FUBP3: variants seen among roughly 807,000 people sequenced by gnomAD.
The protein encoded by FUBP3 is far upstream element-binding protein 3.
In FUBP3, 28 loss-of-function variants were observed where a neutral mutation model predicts 85.6. That is an observed-to-expected ratio of 0.33 (90% CI 0.24 to 0.45). The LOEUF is 0.45. FUBP3 is among the 20% of genes least tolerant of loss of function. FUBP3 has a pLI of 1.00. For synonymous variants in FUBP3, 271 were observed against 271.4 expected, an observed-to-expected ratio of 1.00 and a Z score of 0.01; for missense variants, 583 against 755.1, an observed-to-expected ratio of 0.77 and a Z score of 2.67.
At chr9:130,586,834 T>C (rs1482061946) in intron 1 of FUBP3, among the ~76,000 whole-genome samples, 1 of 144,728 alleles carries the variant, frequency 6.9e-6, no homozygotes, top group Non-Finnish European at 1.5e-5. Flanking sequence ...CACTGCAAGC[T>C]CAGCCTCCCA....
chr9:130,591,967 T>TA (rs1223407018), intron 1 of FUBP3, among the ~76,000 whole-genome samples: 7 of 152,170 alleles, frequency 4.6e-5, no homozygotes, highest in Non-Finnish European at 7.4e-5. Flanking sequence ...CGCAGTGGCT[T>TA]ACGCCTGTAA....
In FUBP3 at chr9:130,623,693, G is replaced by A. The variant is rs1361750701; in HGVS notation, c.957G>A (p.Glu319=). ...AGCATGCAGCGCATATCATCAGCGA[G>A]CTGATTCTTACAGCCCAGGTGGGTC... ...RCQHAAHIIS[E]LILTAQERDG... Residue 319 remains glutamate (E), a synonymous_variant, in exon 11 of 19, where the codon GAG becomes GAA. Coordinates refer to ENST00000319725, the MANE Select transcript of FUBP3 (RefSeq NM_003934.2). 6.8e-6 allele frequency: 11 copies of A among 1,613,158 alleles called. No homozygotes were observed. The highest frequency in any genetic ancestry group is 8.5e-6 in the Non-Finnish European group (10 of 1,179,298).
chr9:130,611,708 A>G (rs1433468848), intron 3 of FUBP3, among the ~76,000 whole-genome samples: 1 of 150,364 alleles, frequency 6.7e-6, no homozygotes, highest in Admixed American at 6.6e-5. Context: ...TTGAGATTTA[A>G]TTGCTTTCTG....
At chr9:130,594,697 T>A (rs1291380263) in intron 1 of FUBP3, among the ~76,000 whole-genome samples, 1 of 151,984 alleles carries the variant, frequency 6.6e-6, no homozygotes, top group Non-Finnish European at 1.5e-5. Flanking sequence ...AAATTGAGGG[T>A]ACAGTGAACA....
intron 8 of FUBP3, among the ~76,000 whole-genome samples, chr9:130,618,354 G>A (rs138766878): frequency 2.6e-5 from 4 of 152,302 alleles, no homozygotes; most frequent in East Asian, 3.9e-4. Flanking sequence ...TTACTTGCTC[G>A]TTCTCTTCTG....
Position 130,595,531 on chromosome 9 carries a change from C to T in FUBP3, c.133C>T (p.Leu45=). Residue 45 remains leucine (L), a synonymous_variant, in exon 2 of 19, where the codon CTA becomes TTA. Transcript: ENST00000319725. ...SIPHLNNSTP[L]VDPSVYGYGV... is the part of the protein sequence containing the mutation. ...TCCTCACTTGAATAATTCCACACCT[C>T]TAGTGGACCCCTCAGTATATGGATA... is the stretch of plus-strand genomic sequence containing the variant. 6.3e-7 allele frequency: 1 copy of T among 1,594,624 alleles called. No homozygotes were observed. Among genetic ancestry groups the T allele is most frequent in the Non-Finnish European group, 8.6e-7 (1 of 1,162,192 alleles).
chr9:130,625,731 C>G (rs1829943986), intron 11 of FUBP3, among the ~76,000 whole-genome samples: 1 of 152,182 alleles, frequency 6.6e-6, no homozygotes, highest in African/African-American at 2.4e-5. Flanking sequence ...TCTCCAGCCC[C>G]ACATGGGGAG....
rs190664669 is a variant in FUBP3, at chr9:130,613,686, G to A, written c.347-602G>A. On this transcript the variant is annotated intron_variant, in intron 5 of 18. Transcript: ENST00000319725. ...TACTTATTACAGTGTCTTGAAGGCAGTAAGTCCTGTTAGCTATTTCTCTTT... is the reference window on the plus strand; with the variant it reads ...TACTTATTACAGTGTCTTGAAGGCAATAAGTCCTGTTAGCTATTTCTCTTT... 3.5e-3 allele frequency among the ~76,000 whole-genome samples: 530 copies of A among 152,342 alleles called. 3 individuals are homozygous for A. The highest frequency in any genetic ancestry group is 0.012 in the African/African-American group (488 of 41,586).
At chr9:130,631,710 C>A in intron 14 of FUBP3, 80 bp downstream of exon 14, 1 of 1,181,308 alleles carries the variant, frequency 8.5e-7, no homozygotes, top group Non-Finnish European at 1.2e-6. Flanking sequence ...CTACTTCTAG[C>A]GAGTGCCAGC....
At chr9:130,622,842 T>TAAAA in intron 10 of FUBP3, 32 bp downstream of exon 10, 1 of 826,526 alleles carries the variant, frequency 1.2e-6, no homozygotes, top group African/African-American at 1.9e-5. Context: ...TCCTTAGTGT[T>TAAAA]AAAAAAAAAA....
intron 10 of FUBP3, among the ~76,000 whole-genome samples, 189 bp from the exon 11 acceptor site, chr9:130,623,422 T>C (rs560890353): frequency 6.6e-6 from 1 of 152,318 alleles, no homozygotes; most frequent in East Asian, 1.9e-4. Flanking sequence ...ACCTGAAACA[T>C]GCAAAACAAT....
At chr9:130,593,203 C>G (rs530348079) in intron 1 of FUBP3, among the ~76,000 whole-genome samples, 135 of 152,344 alleles carry the variant, frequency 8.9e-4, no homozygotes, top group African/African-American at 3.1e-3. Flanking sequence ...TAAGCACGCT[C>G]TGTGTGACAT....
In FUBP3 at chr9:130,612,463, A is replaced by G. The variant is rs936734240; in HGVS notation, c.232A>G (p.Ile78Val). 4 of 1,595,304 alleles carry G rather than the reference A, an allele frequency of 2.5e-6. No homozygotes were observed. The highest frequency in any genetic ancestry group is 2.2e-5 in the East Asian group (1 of 44,768). ...LGALVHQRTV[I>V]TEEFKVPDKM... ...AATGTTCTTTGTTTTTAGGACGGTA[A>G]TAACGGAAGAATTCAAAGTGCCTGA... Residue 78 changes from isoleucine (I) to valine (V), a missense_variant, in exon 4 of 19, where the codon ATA (isoleucine) becomes GTA (valine). Physicochemically the swap from Ile to Val is conservative, Grantham distance 29 (BLOSUM62 3). Around this residue, in one of 3 missense-constraint regions of FUBP3, gnomAD observed 177 missense variants for 221.9 expected, o/e 0.80. Coordinates refer to ENST00000319725, the MANE Select transcript of FUBP3 (RefSeq NM_003934.2). This position sits in a 1 kb window ranked among gnomAD's most constrained non-coding sequence, Gnocchi z 4.1.
At chr9:130,609,891 G>A in intron 2 of FUBP3, 63 bp from the exon 3 acceptor site, 3 of 1,245,250 alleles carry the variant, frequency 2.4e-6, no homozygotes, top group Non-Finnish European at 3.5e-6. Flanking sequence ...AGAATGGTAA[G>A]GATGAAGTTA....
intron 1 of FUBP3, among the ~76,000 whole-genome samples, chr9:130,590,017 T>C (rs891454907): frequency 7.5e-6 from 1 of 132,474 alleles, no homozygotes; most frequent in South Asian, 2.4e-4. Flanking sequence ...ACCCGGCCTA[T>C]TTAATTTTTT....
In FUBP3 at chr9:130,606,466, C is replaced by T. The variant is rs372415998; in HGVS notation, c.191-3488C>T. The stretch of plus-strand genomic sequence containing the variant: ...TGCCAGCCCGTGCTGGCTGTGCTGT[C>T]GTGAAGGAGGAATTGGCATTTTTGT... On this transcript the variant is annotated intron_variant, in intron 2 of 18. Transcript: ENST00000319725. 1.4e-4 allele frequency among the ~76,000 whole-genome samples: 22 copies of T among 152,232 alleles called. No individual in the cohort carries two copies. In the East Asian group the frequency reaches 1.7e-3, roughly 12 times the overall value.
At chr9:130,626,927 A>G (rs995586473) in intron 12 of FUBP3, among the ~76,000 whole-genome samples, 3 of 152,104 alleles carry the variant, frequency 2.0e-5, no homozygotes, top group African/African-American at 7.2e-5. Flanking sequence ...TTCCCTTACC[A>G]GGTTTGAGTA....
Position 130,621,222 on chromosome 9 carries a change from G to A in FUBP3, c.771+764G>A, listed in dbSNP as rs764385332. ...GCTAGGGCTATGCATGGTGGTTCAC[G>A]CCTGTAATCCCAGTGCTTTGAGAGG... On this transcript the variant is annotated intron_variant, in intron 9 of 18. Transcript: ENST00000319725. 3.0e-4 allele frequency among the ~76,000 whole-genome samples: 46 copies of A among 152,292 alleles called. 1 individual carries two copies. The highest frequency in any genetic ancestry group is 2.1e-4 in the South Asian group (1 of 4,828).
At chr9:130,584,688 G>A (rs1172093825) in intron 1 of FUBP3, among the ~76,000 whole-genome samples, 1 of 148,742 alleles carries the variant, frequency 6.7e-6, no homozygotes, top group Non-Finnish European at 1.5e-5. Flanking sequence ...GGCCAACATG[G>A]CAAAACCCCG....
Sources: gnomAD v4.1 joint callset for allele counts (sites outside exome capture counted in the v4.1 genomes callset) on GRCh38, gnomAD v4.1.1 for gene constraint, gnomAD v4.1.1 regional missense constraint, Gnocchi (gnomAD v3.1) non-coding constraint, MANE v1.5 for transcripts, NCBI Gene and HGNC (gene_info 2026-07-23, HGNC 2026-07-21) for gene names.